GRID1: variants seen among roughly 807,000 people sequenced by gnomAD.
The protein encoded by GRID1 is glutamate ionotropic receptor delta type subunit 1, also known as glutamate receptor ionotropic, delta-1.
GRID1 carries 28 observed loss-of-function variants against 98.0 expected under a neutral mutation model. That is an observed-to-expected ratio of 0.29 (90% CI 0.21 to 0.39). The LOEUF is 0.39. GRID1 is among the 10% of genes least tolerant of loss of function. The pLI is 1.00. For missense variants in GRID1, 1,111 were observed against 1,340.5 expected, an observed-to-expected ratio of 0.83 and a Z score of 2.67; for synonymous variants, 553 against 538.5, an observed-to-expected ratio of 1.03 and a Z score of -0.37.
chr10:85,985,887 G>A (rs1246083424), intron 4 of GRID1, among the ~76,000 whole-genome samples: 1 of 152,218 alleles, frequency 6.6e-6, no homozygotes, highest in Non-Finnish European at 1.5e-5. Flanking sequence ...GAGATGCAAG[G>A]CCTGGTCTCT....
intron 12 of GRID1, among the ~76,000 whole-genome samples, chr10:85,666,815 C>G (rs116994823): frequency 6.6e-6 from 1 of 152,270 alleles, no homozygotes; most frequent in Non-Finnish European, 1.5e-5. Flanking sequence ...AAGCTGGCTC[C>G]TCCCCCATAC....
intron 4 of GRID1, among the ~76,000 whole-genome samples, chr10:85,987,150 C>G (rs1842618167): frequency 6.6e-6 from 1 of 152,096 alleles, no homozygotes; most frequent in Non-Finnish European, 1.5e-5. Flanking sequence ...GCTTGCCAGC[C>G]ACCCAGCCCA....
chr10:86,272,551 G>A (rs1564725412), intron 2 of GRID1, among the ~76,000 whole-genome samples: 1 of 152,170 alleles, frequency 6.6e-6, no homozygotes, highest in Non-Finnish European at 1.5e-5. Context: ...ATCTGTTATA[G>A]GCTGTCTGAG....
intron 4 of GRID1, among the ~76,000 whole-genome samples, chr10:86,057,410 T>C (rs1843589723): frequency 6.6e-6 from 1 of 152,198 alleles, no homozygotes. Context: ...TGGCCAGACA[T>C]GGCCTGTATC....
chr10:86,250,228 G>A (rs1846799114), intron 2 of GRID1, among the ~76,000 whole-genome samples: 1 of 152,174 alleles, frequency 6.6e-6, no homozygotes, highest in Non-Finnish European at 1.5e-5. Flanking sequence ...CTGGGAATAG[G>A]GCAGGTTTCC....
chr10:85,645,823 G>A (rs1297317728), intron 13 of GRID1: 1 of 152,242 alleles, frequency 6.6e-6, no homozygotes, highest in East Asian at 1.9e-4. Flanking sequence ...TTCCCAGTGG[G>A]CCTCACTCTA....
rs1025230854 is a variant in GRID1 at position 85,910,051 on chromosome 10, T to C, written c.780+6135A>G. Among the ~76,000 whole-genome samples the C allele has an allele frequency of 7.2e-5, 11 of 152,340 alleles. No homozygotes were observed. In the South Asian group the frequency reaches 2.3e-3, roughly 32 times the overall value. Reference sequence around the variant, plus strand: ...TGGTCTTCATTCAAGAGTTCTGAGCTGGGACTACAGAGGCAGTAAGATATG... The same window carrying C: ...TGGTCTTCATTCAAGAGTTCTGAGCCGGGACTACAGAGGCAGTAAGATATG... On this transcript the variant is annotated intron_variant, in intron 5 of 15. Transcript: ENST00000327946.
At chr10:85,743,631 C>A (rs1406092455) in intron 8 of GRID1, among the ~76,000 whole-genome samples, 2 of 152,118 alleles carry the variant, frequency 1.3e-5, no homozygotes, top group East Asian at 3.9e-4. Context: ...ATATTGGAAG[C>A]TGAAAAAGAA....
rs1230948351 is a variant in GRID1 at position 86,206,851 on chromosome 10, A to G, written c.236-203T>C. The stretch of plus-strand genomic sequence containing the variant: ...GACATCCTTGGTGAAAATGCCAGCT[A>G]TACATTCTTGTACCCATTTAACATG... On this transcript the variant is annotated intron_variant, in intron 2 of 15. Coordinates refer to ENST00000327946, the MANE Select transcript of GRID1 (RefSeq NM_017551.3). The surrounding 1 kb of genome is among the most constrained non-coding windows in gnomAD (Gnocchi z 4.1). 6.6e-6 allele frequency among the ~76,000 whole-genome samples: 1 copy of G among 152,220 alleles called. No individual in the cohort carries two copies. Among genetic ancestry groups the G allele is most frequent in the Non-Finnish European group, 1.5e-5 (1 of 68,040 alleles).
intron 2 of GRID1, among the ~76,000 whole-genome samples, chr10:86,222,223 T>C (rs1031005025): frequency 2.0e-5 from 3 of 152,176 alleles, no homozygotes; most frequent in Non-Finnish European, 2.9e-5. Context: ...TTGCCAGGTA[T>C]GATCCACTGC....
intron 12 of GRID1, among the ~76,000 whole-genome samples, chr10:85,706,418 C>G (rs1006838727): frequency 2.0e-5 from 3 of 152,108 alleles, no homozygotes; most frequent in Non-Finnish European, 2.9e-5. Context: ...ATGTGAAGGA[C>G]CTCTTCAGGA....
At chr10:86,209,904 T>G (rs1846083311) in intron 2 of GRID1, among the ~76,000 whole-genome samples, 1 of 152,124 alleles carries the variant, frequency 6.6e-6, no homozygotes, top group Non-Finnish European at 1.5e-5. Context: ...AGCCTCAGTT[T>G]CCCCATCTGG....
intron 8 of GRID1, among the ~76,000 whole-genome samples, chr10:85,793,511 G>T (rs1307697871): frequency 6.6e-6 from 1 of 152,164 alleles, no homozygotes; most frequent in African/African-American, 2.4e-5. Context: ...CTGGAAGAAG[G>T]TCAGGAAAGA....
At chr10:85,968,012 T>C (rs562521466) in intron 4 of GRID1, among the ~76,000 whole-genome samples, 2 of 152,346 alleles carry the variant, frequency 1.3e-5, no homozygotes, top group East Asian at 3.9e-4. Context: ...CAAGAGATAC[T>C]AGAAGTCCTT....
At chr10:86,346,952 G>A (rs1227915845) in intron 2 of GRID1, among the ~76,000 whole-genome samples, 2 of 152,180 alleles carry the variant, frequency 1.3e-5, no homozygotes, top group Non-Finnish European at 2.9e-5. Flanking sequence ...ACATAGTGAG[G>A]GCTATGTGTG....
At chr10:85,881,125 G>T (rs1311968364) in intron 5 of GRID1, among the ~76,000 whole-genome samples, 1 of 152,116 alleles carries the variant, frequency 6.6e-6, no homozygotes. Context: ...AATAAAAGAG[G>T]ATACAAAGAA....
intron 2 of GRID1, among the ~76,000 whole-genome samples, chr10:86,264,322 G>T (rs550019455): frequency 1.3e-5 from 2 of 152,214 alleles, no homozygotes; most frequent in South Asian, 4.1e-4. Context: ...CATTTCCTTG[G>T]CCCGGAAACT....
At chr10:86,290,477 T>A (rs2132074836) in intron 2 of GRID1, among the ~76,000 whole-genome samples, 1 of 152,126 alleles carries the variant, frequency 6.6e-6, no homozygotes, top group South Asian at 2.1e-4. Context: ...CAAAACTCCA[T>A]CTCTACTAAA....
chr10:86,060,326 T>G (rs1183865821), intron 4 of GRID1, among the ~76,000 whole-genome samples: 1 of 152,206 alleles, frequency 6.6e-6, no homozygotes, highest in Non-Finnish European at 1.5e-5. Flanking sequence ...TAAAGCACTT[T>G]CTATTAGGAG....
Sources: allele counts gnomAD v4.1 joint callset (sites outside exome capture counted in the v4.1 genomes callset), GRCh38; gene constraint gnomAD v4.1.1; non-coding constraint Gnocchi (gnomAD v3.1); transcripts MANE v1.5; gene names NCBI Gene and HGNC (gene_info 2026-07-23, HGNC 2026-07-21).